The following MLIP variants were observed in gnomAD, a reference collection of about 807,000 sequenced individuals.
The protein encoded by MLIP is muscular LMNA interacting protein.
A neutral mutation model predicts 84.8 loss-of-function variants in MLIP; 79 were observed. That is an observed-to-expected ratio of 0.93 (90% CI 0.78 to 1.12). The LOEUF is 1.12. Ranked by LOEUF, MLIP falls within the 50% of genes most tolerant of loss-of-function variation. The probability of loss-of-function intolerance (pLI) is 0.00; values close to 1 mark genes in which losing one functional copy is unlikely to be tolerated. For synonymous variants in MLIP, 504 were observed against 463.0 expected, an observed-to-expected ratio of 1.09 and a Z score of -1.14; for missense variants, 1,257 against 1,160.6, an observed-to-expected ratio of 1.08 and a Z score of -1.21.
At chr6:54,159,278 C>G (rs537510581) in intron 5 of MLIP, among the ~76,000 whole-genome samples, 49 of 151,868 alleles carry the variant, frequency 3.2e-4, no homozygotes, top group Non-Finnish European at 5.9e-4. Context: ...ACGAGCCTAC[C>G]CTGAGACAGG....
intron 1 of MLIP, chr6:54,045,854 T>G (rs557676477): frequency 6.6e-6 from 1 of 152,346 alleles, no homozygotes; most frequent in African/African-American, 2.4e-5. Context: ...ATTAAACATC[T>G]TTTCTTTATA....
At chr6:54,091,565 A>G (rs1411711904) in intron 1 of MLIP, among the ~76,000 whole-genome samples, 1 of 152,194 alleles carries the variant, frequency 6.6e-6, no homozygotes, top group African/African-American at 2.4e-5. Flanking sequence ...ATAGAAGGAA[A>G]GGTGGGTTTT....
At chr6:54,042,432 A>T (rs1221123854) in intron 1 of MLIP, among the ~76,000 whole-genome samples, 1 of 151,850 alleles carries the variant, frequency 6.6e-6, no homozygotes, top group Admixed American at 6.6e-5. Flanking sequence ...ATATTTACAG[A>T]TTTATAACTG....
At chr6:54,252,429 T>C (rs757730986) in intron 12 of MLIP, among the ~76,000 whole-genome samples, 1 of 130,022 alleles carries the variant, frequency 7.7e-6, no homozygotes, top group Admixed American at 8.5e-5. Flanking sequence ...TTATAACATA[T>C]AATATATAAT....
Position 54,064,201 on chromosome 6 carries a change from G to C in MLIP, c.63+45110G>C. On this transcript the variant is annotated intron_variant, in intron 1 of 12. Transcript: ENST00000274897. The stretch of plus-strand genomic sequence containing the variant: ...ACCTTCATTCAATCCCCAGTGTCAA[G>C]AGTTAACAACAGGTACACGTTTATT... 2.0e-5 allele frequency among the ~76,000 whole-genome samples: 2 copies of C among 99,758 alleles called. 1 individual carries two copies. Among genetic ancestry groups the C allele is most frequent in the Non-Finnish European group, 5.8e-5 (2 of 34,714 alleles). 65.4% of individuals were successfully genotyped at this position (99,758 alleles called of 152,430 possible).
chr6:54,248,937 A>G (rs1337861308), intron 12 of MLIP, among the ~76,000 whole-genome samples: 6 of 152,224 alleles, frequency 3.9e-5, no homozygotes, highest in African/African-American at 1.4e-4. Context: ...TAACCAAGGG[A>G]GTACACAAAA....
chr6:54,080,669 C>CATAT (rs1767083474), intron 1 of MLIP, among the ~76,000 whole-genome samples: 1 of 148,796 alleles, frequency 6.7e-6, no homozygotes, highest in Admixed American at 6.7e-5. Context: ...GTTACATATG[C>CATAT]AAATTTCTTT....
In MLIP at chr6:54,261,739, C is replaced by T. The variant is rs144304576; in HGVS notation, c.2977-4211C>T. 855 of 984,976 alleles carry T rather than the reference C, an allele frequency of 8.7e-4. 5 individuals are homozygous for T. In the African/African-American group the frequency reaches 0.014, roughly 16 times the overall value. 61.0% of individuals were successfully genotyped at this position (984,976 alleles called of 1,614,324 possible). Reference sequence around the variant, plus strand: ...TAGAAAAGAGAAAATAAATTACTTGCCCGTGGAAGCCACTCTCATTTTCTG... The same window carrying T: ...TAGAAAAGAGAAAATAAATTACTTGTCCGTGGAAGCCACTCTCATTTTCTG... On this transcript the variant is annotated intron_variant, in intron 13 of 13. Coordinates refer to ENST00000502396, the MANE Select transcript of MLIP (RefSeq NM_001281747.2).
chr6:54,138,443 T>C (rs1772016554), intron 4 of MLIP, among the ~76,000 whole-genome samples, 157 bp downstream of exon 4: 1 of 152,162 alleles, frequency 6.6e-6, no homozygotes, highest in Non-Finnish European at 1.5e-5. Context: ...TATATTTGAA[T>C]GTGTAAATGA....
At chr6:54,220,969 C>A (rs767352697) in intron 11 of MLIP, among the ~76,000 whole-genome samples, 25 of 152,070 alleles carry the variant, frequency 1.6e-4, no homozygotes, top group Admixed American at 2.6e-4. Flanking sequence ...TAATAAAACT[C>A]TGTTCATGAG....
intron 1 of MLIP, among the ~76,000 whole-genome samples, chr6:54,106,079 G>A (rs1462744489): frequency 6.6e-6 from 1 of 152,152 alleles, no homozygotes; most frequent in Non-Finnish European, 1.5e-5. Flanking sequence ...GTTTATTAGG[G>A]AGTGCTCCCA....
chr6:54,149,048 C>T lies in MLIP; in HGVS notation c.2218-8C>T. ...TCTCTACTCTTGCTTTCTGGTTGCC[C>T]ATTCTAGCAATACAAGACCAAGTCA... On this transcript the variant is annotated splice_region_variant and splice_polypyrimidine_tract_variant and intron_variant, in intron 4 of 13. Coordinates refer to ENST00000502396, the MANE Select transcript of MLIP (RefSeq NM_001281747.2). The T allele has an allele frequency of 6.2e-7, 1 of 1,611,728 alleles. No individual in the cohort carries two copies. Among genetic ancestry groups the T allele is most frequent in the South Asian group, 1.1e-5 (1 of 90,866 alleles).
intron 4 of MLIP, 54 bp from the exon 5 acceptor site, chr6:54,149,002 T>A (rs2150522315): frequency 7.0e-7 from 1 of 1,421,696 alleles, no homozygotes; most frequent in Non-Finnish European, 9.9e-7. Context: ...GAAAATTATG[T>A]CATATTCTTT....
intron 11 of MLIP, chr6:54,217,360 GC>G: frequency 1.0e-6 from 1 of 985,392 alleles, no homozygotes; most frequent in Non-Finnish European, 1.2e-6. Flanking sequence ...CTTTGATGTT[GC>G]AATGGAAACA....
At chr6:54,185,743 G>C (rs957571734) in intron 9 of MLIP, among the ~76,000 whole-genome samples, 1 of 151,722 alleles carries the variant, frequency 6.6e-6, no homozygotes, top group Non-Finnish European at 1.5e-5. Context: ...TTAACTTAGG[G>C]GATCAATAGA....
chr6:54,110,448 T>A (rs1769369605), upstream of MLIP, among the ~76,000 whole-genome samples: 2 of 152,226 alleles, frequency 1.3e-5, no homozygotes, highest in African/African-American at 4.8e-5. Context: ...TAGTTTTTTT[T>A]ATAACACGGC....
chr6:54,223,617 T>A (rs1251120805), intron 11 of MLIP, among the ~76,000 whole-genome samples: 1 of 152,096 alleles, frequency 6.6e-6, no homozygotes, highest in Non-Finnish European at 1.5e-5. Context: ...TTTTGATTAC[T>A]ATGGCTTTGT....
chr6:54,163,192 G>C (rs942439378), intron 8 of MLIP, among the ~76,000 whole-genome samples: 1 of 151,772 alleles, frequency 6.6e-6, no homozygotes, highest in Non-Finnish European at 1.5e-5. Context: ...TTAAAATAGT[G>C]ACTTTATATT....
Position 54,129,976 on chromosome 6 carries a change from T to C in MLIP, c.645+5111T>C, listed in dbSNP as rs111292898. ...AATCCCTGACCAAGTGATTTTTTTT[T>C]AAATAACTTTTCTCCAGTGATCTTC... On this transcript the variant is annotated intron_variant, in intron 3 of 13. Coordinates refer to ENST00000502396, the MANE Select transcript of MLIP (RefSeq NM_001281747.2). Among the ~76,000 whole-genome samples the C allele has an allele frequency of 8.0e-3, 1,221 of 152,268 alleles. 20 individuals carry two copies. The highest frequency in any genetic ancestry group is 0.028 in the African/African-American group (1,182 of 41,564).
Sources: gnomAD v4.1 joint callset for allele counts (sites outside exome capture counted in the v4.1 genomes callset) on GRCh38, gnomAD v4.1.1 for gene constraint, MANE v1.5 for transcripts, NCBI Gene and HGNC (gene_info 2026-07-23, HGNC 2026-07-21) for gene names.